The following LRP1B variants were observed in gnomAD, a reference collection of about 807,000 sequenced individuals.
LRP1B encodes LDL receptor related protein 1B, also known as low-density lipoprotein receptor-related protein 1B.
Under a neutral mutation model 556.6 loss-of-function variants are expected in LRP1B, and 217 were observed. The ratio of observed to expected loss-of-function variants is 0.39; its 90% CI spans 0.35 to 0.44. LRP1B has a LOEUF of 0.44. LRP1B is among the 20% of genes least tolerant of loss of function. The pLI, the probability that LRP1B is intolerant of heterozygous loss-of-function variation, is 1.00. For synonymous variants in LRP1B, 2,047 were observed against 1,865.8 expected, an observed-to-expected ratio of 1.10 and a Z score of -2.50; for missense variants, 5,053 against 5,620.8, an observed-to-expected ratio of 0.90 and a Z score of 3.23.
chr2:141,310,746 G>C (rs1004776797), intron 3 of LRP1B, among the ~76,000 whole-genome samples: 12 of 152,098 alleles, frequency 7.9e-5, no homozygotes, highest in Admixed American at 6.5e-5. Flanking sequence ...ATAAGACGAT[G>C]CAAATTAGAA....
chr2:140,284,423 G>A (rs191630620), intron 84 of LRP1B, among the ~76,000 whole-genome samples: 1 of 148,000 alleles, frequency 6.8e-6, no homozygotes, highest in African/African-American at 2.5e-5. Flanking sequence ...TCATGAAAAA[G>A]ATTTCTATCT....
At chr2:141,356,153 G>T (rs563710979) in intron 3 of LRP1B, among the ~76,000 whole-genome samples, 110 of 152,316 alleles carry the variant, frequency 7.2e-4, no homozygotes, top group African/African-American at 2.5e-3. Context: ...TTTTTGTAAT[G>T]CTGCTGCTAT....
At chr2:141,461,683 A>C (rs1473908906) in intron 3 of LRP1B, among the ~76,000 whole-genome samples, 1 of 152,214 alleles carries the variant, frequency 6.6e-6, no homozygotes, top group African/African-American at 2.4e-5. Flanking sequence ...TGAATCTACG[A>C]AGAACATGAA....
chr2:140,253,798 G>A (rs1681556606), intron 86 of LRP1B, among the ~76,000 whole-genome samples: 1 of 152,090 alleles, frequency 6.6e-6, no homozygotes, highest in Non-Finnish European at 1.5e-5. Context: ...TTAATATTAA[G>A]TAATATGGTG....
intron 3 of LRP1B, among the ~76,000 whole-genome samples, chr2:141,326,113 T>C (rs1687417218): frequency 6.6e-6 from 1 of 152,170 alleles, no homozygotes; most frequent in South Asian, 2.1e-4. Context: ...ATAAGATGAA[T>C]ATTCATTTAC....
chr2:141,528,772 C>T (rs926351279), intron 2 of LRP1B, among the ~76,000 whole-genome samples: 4 of 152,030 alleles, frequency 2.6e-5, no homozygotes, highest in Non-Finnish European at 5.9e-5. Context: ...TGAGCTACTG[C>T]TGAAGCTAGA....
intron 3 of LRP1B, among the ~76,000 whole-genome samples, chr2:141,319,423 T>C (rs997623282): frequency 1.8e-4 from 28 of 151,624 alleles, no homozygotes; most frequent in African/African-American, 6.8e-4. Flanking sequence ...TAAGCTGATA[T>C]TTTGAGACAA....
chr2:140,889,767 T>A (rs1367933681), intron 23 of LRP1B, among the ~76,000 whole-genome samples: 1 of 152,174 alleles, frequency 6.6e-6, no homozygotes, highest in East Asian at 1.9e-4. Flanking sequence ...ATTTGACCCA[T>A]GATGGTAGCT....
intron 1 of LRP1B, among the ~76,000 whole-genome samples, chr2:141,867,075 T>C (rs999838962): frequency 3.9e-5 from 6 of 152,062 alleles, no homozygotes; most frequent in African/African-American, 1.4e-4. Context: ...GAAAAAGCAG[T>C]ATATAAAACA....
intron 23 of LRP1B, among the ~76,000 whole-genome samples, chr2:140,889,969 T>C (rs1253950935): frequency 6.6e-6 from 1 of 152,138 alleles, no homozygotes; most frequent in East Asian, 1.9e-4. Context: ...GGCCATTTAC[T>C]ACAACATAGT....
chr2:141,322,232 A>C (rs1016119454), intron 3 of LRP1B, among the ~76,000 whole-genome samples: 1 of 152,102 alleles, frequency 6.6e-6, no homozygotes, highest in African/African-American at 2.4e-5. Flanking sequence ...CTCCTCTTTA[A>C]GCAAGACAAT....
At position 142,115,566 on chromosome 2, in the gene LRP1B, T is replaced by C. The variant is rs1422173232; in HGVS notation, c.82+15082A>G. Among the ~76,000 whole-genome samples the C allele has an allele frequency of 2.2e-4, 10 of 45,410 alleles. 2 individuals carry two copies. The South Asian group carries it at 3.6e-3, about 16-fold the overall frequency. The allele number at this position is 45,410 out of a possible 152,430, so 29.8% of individuals were successfully genotyped here. On this transcript the variant is annotated intron_variant, in intron 1 of 90. Transcript: ENST00000389484. ...TGTAATATATATATTATATATGTAA[T>C]ATATATTATATATGTAATATATATA...
chr2:141,869,938 G>T (rs1437755739), intron 1 of LRP1B, among the ~76,000 whole-genome samples: 1 of 152,040 alleles, frequency 6.6e-6, no homozygotes, highest in African/African-American at 2.4e-5. Context: ...ATGAGGAAGA[G>T]AAGTTTTATA....
intron 2 of LRP1B, among the ~76,000 whole-genome samples, chr2:141,502,531 GC>G (rs2105134736): frequency 6.6e-6 from 1 of 152,244 alleles, no homozygotes; most frequent in African/African-American, 2.4e-5. Context: ...AAAAAATTTA[GC>G]CTATGGGAAA....
chr2:141,603,729 T>C (rs1332026093), intron 2 of LRP1B, among the ~76,000 whole-genome samples: 4 of 152,188 alleles, frequency 2.6e-5, no homozygotes, highest in Non-Finnish European at 4.4e-5. Flanking sequence ...TAATTGTGTA[T>C]ACCATAGTTA....
chr2:140,581,559 C>G (rs1018152805), intron 43 of LRP1B, among the ~76,000 whole-genome samples: 1 of 151,742 alleles, frequency 6.6e-6, no homozygotes, highest in African/African-American at 2.4e-5. Flanking sequence ...TTGTCCTTAT[C>G]TAAATACAAT....
intron 7 of LRP1B, among the ~76,000 whole-genome samples, chr2:141,181,279 A>G (rs193257840): frequency 6.6e-6 from 1 of 152,056 alleles, no homozygotes; most frequent in African/African-American, 2.4e-5. Context: ...AGAATACACT[A>G]AAGATCACAT....
chr2:140,953,961 T>C (rs1341165584), intron 18 of LRP1B, among the ~76,000 whole-genome samples: 1 of 152,226 alleles, frequency 6.6e-6, no homozygotes, highest in Non-Finnish European at 1.5e-5. Context: ...AACCGTTATT[T>C]TAATCTCCTC....
intron 1 of LRP1B, among the ~76,000 whole-genome samples, chr2:141,918,341 G>A (rs929934448): frequency 6.6e-6 from 1 of 151,972 alleles, no homozygotes; most frequent in African/African-American, 2.4e-5. Context: ...GTGCACGGTT[G>A]TATAGCATAG....
Sources: allele counts gnomAD v4.1 joint callset (sites outside exome capture counted in the v4.1 genomes callset), GRCh38; gene constraint gnomAD v4.1.1; transcripts MANE v1.5; gene names NCBI Gene and HGNC (gene_info 2026-07-23, HGNC 2026-07-21).